Variants in NIPBL observed in about 807,000 individuals in gnomAD.
NIPBL encodes NIPBL cohesin loading factor.
In NIPBL, 19 loss-of-function variants were observed where a neutral mutation model predicts 321.8. That is an observed-to-expected ratio of 0.06 (90% confidence interval 0.04 to 0.09). NIPBL has a LOEUF of 0.09. NIPBL is among the 10% of genes least tolerant of loss of function. The probability of loss-of-function intolerance (pLI) is 1.00; values close to 1 mark genes in which losing one functional copy is unlikely to be tolerated. For synonymous variants in NIPBL, 1,106 were observed against 1,114.1 expected (o/e 0.99, Z 0.14); for missense variants, 2,210 against 3,327.0 (o/e 0.66, Z 8.26).
At chr5:36,899,337 A>T (rs1235767014) in intron 1 of NIPBL, among the ~76,000 whole-genome samples, 2 of 150,928 alleles carry the variant, frequency 1.3e-5, no homozygotes, top group South Asian at 2.1e-4. Flanking sequence ...TGCCTGCATT[A>T]AAAAAAAAGT....
At position 37,063,843 on chromosome 5, in the gene NIPBL, G is replaced by A. The variant is rs992031835; in HGVS notation, c.7914G>A (p.Glu2638=). Residue 2638 remains glutamate, a synonymous_variant, in exon 46 of 47, where the codon GAG becomes GAA. Transcript: ENST00000282516. The part of the protein sequence containing the change: ...LDPDEEEEEG[E]VSASTNARNK... ...CTGATGAAGAAGAAGAAGAAGGGGA[G>A]GTTTCAGCTAGCACAAATGCTCGGA... The A allele has an allele frequency of 4.3e-6, 7 of 1,613,890 alleles. No individual in the cohort carries two copies. The Admixed American group carries it at 1.2e-4, about 27-fold the overall frequency.
intron 45 of NIPBL, among the ~76,000 whole-genome samples, chr5:37,062,875 G>A (rs1451825923): frequency 2.0e-5 from 3 of 151,660 alleles, no homozygotes; most frequent in East Asian, 1.9e-4. Context: ...AGCCATGATC[G>A]TGCCACTGCA....
intron 45 of NIPBL, among the ~76,000 whole-genome samples, chr5:37,061,827 A>G (rs1469230573): frequency 1.3e-5 from 2 of 151,914 alleles, no homozygotes; most frequent in African/African-American, 4.8e-5. Flanking sequence ...TTTAAGTTGT[A>G]TTTTTTATTG....
intron 1 of NIPBL, among the ~76,000 whole-genome samples, chr5:36,924,886 C>A (rs576463497): frequency 6.6e-6 from 1 of 152,158 alleles, no homozygotes; most frequent in Non-Finnish European, 1.5e-5. Flanking sequence ...CTATTAAAGG[C>A]CTTTTTCTTT....
intron 1 of NIPBL, among the ~76,000 whole-genome samples, chr5:36,947,475 A>G (rs1739814046): frequency 6.6e-6 from 1 of 152,062 alleles, no homozygotes; most frequent in Non-Finnish European, 1.5e-5. Context: ...GGAAAAAGAT[A>G]TCAACATTAT....
chr5:36,921,997 C>T (rs1748985208), intron 1 of NIPBL, among the ~76,000 whole-genome samples: 1 of 151,810 alleles, frequency 6.6e-6, no homozygotes, highest in Admixed American at 6.6e-5. Flanking sequence ...AGTGGTTCTC[C>T]TGCCCCAGCC....
intron 9 of NIPBL, among the ~76,000 whole-genome samples, chr5:36,978,324 A>G (rs1023677877): frequency 3.3e-5 from 5 of 151,880 alleles, no homozygotes; most frequent in Non-Finnish European, 7.4e-5. Context: ...ATTGTGGTTT[A>G]ATTTGCATTT....
intron 1 of NIPBL, among the ~76,000 whole-genome samples, chr5:36,929,483 A>G (rs1197585158): frequency 6.6e-6 from 1 of 152,102 alleles, no homozygotes; most frequent in Admixed American, 6.5e-5. Flanking sequence ...GTGATTTGGC[A>G]ATATTTTCTC....
chr5:37,033,740 T>A (rs1214384081), intron 32 of NIPBL, among the ~76,000 whole-genome samples: 37 of 128,490 alleles, frequency 2.9e-4, no homozygotes, highest in African/African-American at 1.2e-3. Flanking sequence ...ATTTTTTTTT[T>A]TTTTTTTTTT....
At chr5:37,027,499 T>C in intron 32 of NIPBL, 87 bp downstream of exon 32, 1 of 945,486 alleles carries the variant, frequency 1.1e-6, no homozygotes, top group Non-Finnish European at 1.7e-6. Flanking sequence ...GACTGTATGA[T>C]TTAAAAGAAC....
intron 43 of NIPBL, 149 bp from the exon 44 acceptor site, chr5:37,058,740 CCT>C (rs770445350): frequency 4.7e-6 from 3 of 633,064 alleles, no homozygotes; most frequent in Non-Finnish European, 8.1e-6. Flanking sequence ...GAAACTATCC[CCT>C]AAGATTACAT....
intron 34 of NIPBL, among the ~76,000 whole-genome samples, chr5:37,038,950 C>T (rs969733507): frequency 3.4e-4 from 51 of 152,088 alleles, no homozygotes; most frequent in African/African-American, 1.2e-3. Flanking sequence ...TCAAGCCAAA[C>T]CCTCAGTAGA....
intron 14 of NIPBL, among the ~76,000 whole-genome samples, chr5:37,002,109 G>A (rs1038772300): frequency 6.6e-5 from 10 of 152,036 alleles, no homozygotes; most frequent in African/African-American, 1.2e-4. Flanking sequence ...CAGAACCCAG[G>A]GTTAACAGCC....
At chr5:36,958,766 G>C (rs186444137) in intron 4 of NIPBL, among the ~76,000 whole-genome samples, 1 of 152,204 alleles carries the variant, frequency 6.6e-6, no homozygotes, top group Non-Finnish European at 1.5e-5. Flanking sequence ...TAGTCATGGA[G>C]TACCTTTGGG....
chr5:36,998,444 T>C (rs543194377), intron 11 of NIPBL, among the ~76,000 whole-genome samples: 2 of 152,266 alleles, frequency 1.3e-5, no homozygotes, highest in African/African-American at 4.8e-5. Context: ...ACTCATAGGA[T>C]TGAATGCTTG....
chr5:37,042,251 A>G (rs1054728210), intron 34 of NIPBL, among the ~76,000 whole-genome samples: 2 of 151,354 alleles, frequency 1.3e-5, no homozygotes, highest in Admixed American at 6.6e-5. Context: ...CCTGGCCAGC[A>G]TGGTGAAACC....
At position 36,985,327 on chromosome 5, in the gene NIPBL, A is replaced by G; in HGVS notation, c.2147A>G (p.Gln716Arg). 6.2e-7 allele frequency: 1 copy of G among 1,613,790 alleles called. No homozygotes were observed. Among genetic ancestry groups the G allele is most frequent in the East Asian group, 2.2e-5 (1 of 44,872 alleles). ...GAAAGCCGGCCTGAGACTCCAAAAC[A>G]AAAGAGTGATGGGCATCCTGAAACC... ...KGESRPETPK[Q>R]KSDGHPETPK... The change falls in exon 10 of 47, where the codon CAA (glutamine) becomes CGA (arginine). Residue 716 changes from glutamine (Q) to arginine (R), a missense_variant. Transcript: ENST00000282516.
chr5:37,056,583 T>C (rs1309821330), intron 42 of NIPBL, among the ~76,000 whole-genome samples: 1 of 152,196 alleles, frequency 6.6e-6, no homozygotes, highest in African/African-American at 2.4e-5. Context: ...ACATTCTGAA[T>C]TACATATACA....
chr5:36,935,519 C>T (rs1345379629), intron 1 of NIPBL, among the ~76,000 whole-genome samples: 1 of 152,116 alleles, frequency 6.6e-6, no homozygotes, highest in Non-Finnish European at 1.5e-5. Flanking sequence ...GGGCTCTCTT[C>T]GTTGTGCTTC....
Sources: gnomAD v4.1 joint callset for allele counts (sites outside exome capture counted in the v4.1 genomes callset) on GRCh38, gnomAD v4.1.1 for gene constraint, MANE v1.5 for transcripts, NCBI Gene and HGNC (gene_info 2026-07-23, HGNC 2026-07-21) for gene names.